The following SCHIP1 variants were observed in gnomAD, a reference collection of about 807,000 sequenced individuals.
The protein encoded by SCHIP1 is schwannomin-interacting protein 1.
Under a neutral mutation model 29.7 loss-of-function variants are expected in SCHIP1, and 8 were observed. The observed-to-expected ratio is 0.27, with a 90% confidence interval of 0.16 to 0.49. The LOEUF (loss-of-function observed/expected upper bound fraction) is 0.49, where lower values mean the gene tolerates loss of function less well. Ranked by LOEUF, SCHIP1 falls within the 20% of genes least tolerant of loss-of-function variation. The probability of loss-of-function intolerance (pLI) is 0.99; values close to 1 mark genes in which losing one functional copy is unlikely to be tolerated. For synonymous variants in SCHIP1, 76 were observed against 94.9 expected (o/e 0.80, Z 1.16); for missense variants, 193 against 294.6 (o/e 0.66, Z 2.52).
At chr3:159,613,399 A>G in the SCHIP1 span, among the ~76,000 whole-genome samples, 1 of 152,198 alleles carries the variant, frequency 6.6e-6, no homozygotes, top group Non-Finnish European at 1.5e-5. Context: ...CAATCAACCA[A>G]TGTAAAATTG....
At chr3:159,361,264 T>G in the SCHIP1 span, among the ~76,000 whole-genome samples, 1 of 152,184 alleles carries the variant, frequency 6.6e-6, no homozygotes, top group Non-Finnish European at 1.5e-5. Context: ...CAGTGTACAT[T>G]TTTAGGGAAA....
chr3:159,760,334 C>G, the SCHIP1 span, among the ~76,000 whole-genome samples: 1 of 152,160 alleles, frequency 6.6e-6, no homozygotes, highest in Non-Finnish European at 1.5e-5. Context: ...TTTGAAGTAG[C>G]TGCAAGGAGA....
chr3:159,811,968 G>GTTTTTTTTTT, the SCHIP1 span, among the ~76,000 whole-genome samples: 2 of 106,886 alleles, frequency 1.9e-5, no homozygotes, highest in Admixed American at 8.6e-5. Context: ...AGTTTTTTTT[G>GTTTTTTTTTT]TTTTTGTTTT....
At chr3:159,501,871 G>T in the SCHIP1 span, among the ~76,000 whole-genome samples, 42,120 of 151,962 alleles carry the variant, frequency 0.28, 6,055 homozygotes, top group East Asian at 0.4. Context: ...TTGGATACAT[G>T]AGTTCCCATT....
chr3:159,604,964 A>C, the SCHIP1 span, among the ~76,000 whole-genome samples: 5 of 152,190 alleles, frequency 3.3e-5, no homozygotes, highest in African/African-American at 1.2e-4. Context: ...GACCCAGGAA[A>C]TTTTCAATGA....
chr3:159,280,981 T>C, the SCHIP1 span, among the ~76,000 whole-genome samples: 1 of 152,084 alleles, frequency 6.6e-6, no homozygotes, highest in Admixed American at 6.5e-5. Context: ...TAATCCACGA[T>C]TGCATGTGTT....
At chr3:159,824,619 C>A in the SCHIP1 span, among the ~76,000 whole-genome samples, 1 of 152,200 alleles carries the variant, frequency 6.6e-6, no homozygotes, top group African/African-American at 2.4e-5. Context: ...AATTTATCAC[C>A]TTGACAGGCA....
the SCHIP1 span, among the ~76,000 whole-genome samples, chr3:159,711,710 A>G: frequency 2.0e-5 from 3 of 152,190 alleles, no homozygotes; most frequent in Non-Finnish European, 2.9e-5. Flanking sequence ...GTTCTATTAC[A>G]GAAAACAGAA....
the SCHIP1 span, among the ~76,000 whole-genome samples, chr3:159,374,075 C>T: frequency 0.14 from 20,962 of 152,034 alleles, 1,670 homozygotes; most frequent in African/African-American, 0.2. Flanking sequence ...CTAAATATCA[C>T]GGATCCATGA....
At chr3:159,433,344 A>G in the SCHIP1 span, among the ~76,000 whole-genome samples, 2 of 152,206 alleles carry the variant, frequency 1.3e-5, no homozygotes, top group African/African-American at 2.4e-5. Context: ...GAAGGTAGAA[A>G]TTAATGTAGT....
At chr3:159,303,848 T>C in the SCHIP1 span, among the ~76,000 whole-genome samples, 1 of 152,140 alleles carries the variant, frequency 6.6e-6, no homozygotes, top group Non-Finnish European at 1.5e-5. Flanking sequence ...ACCATATGTT[T>C]GTTTCTTTTT....
the SCHIP1 span, among the ~76,000 whole-genome samples, chr3:159,432,994 G>C: frequency 1.3e-5 from 2 of 152,130 alleles, no homozygotes; most frequent in Admixed American, 1.3e-4. Context: ...AAAGTAAAAA[G>C]AGCCAGATTT....
the SCHIP1 span, among the ~76,000 whole-genome samples, chr3:159,549,700 G>A: frequency 6.6e-6 from 1 of 152,052 alleles, no homozygotes; most frequent in Non-Finnish European, 1.5e-5. Context: ...CCAATCTATG[G>A]TATTTTGTTA....
chr3:159,426,749 C>T, the SCHIP1 span, among the ~76,000 whole-genome samples: 24 of 152,262 alleles, frequency 1.6e-4, no homozygotes, highest in African/African-American at 4.8e-4. Flanking sequence ...AATTTTAGAC[C>T]GATATCCTTG....
the SCHIP1 span, among the ~76,000 whole-genome samples, chr3:159,571,814 G>C: frequency 6.6e-6 from 1 of 152,078 alleles, no homozygotes; most frequent in African/African-American, 2.4e-5. Context: ...GCCTGTTATT[G>C]GTCTATTCAG....
the SCHIP1 span, among the ~76,000 whole-genome samples, chr3:159,317,722 A>C: frequency 1.3e-5 from 2 of 152,192 alleles, no homozygotes. Flanking sequence ...GCACTTCTTT[A>C]GCTGTAGAGT....
the SCHIP1 span, among the ~76,000 whole-genome samples, chr3:159,708,988 A>G: frequency 6.6e-6 from 1 of 152,286 alleles, no homozygotes; most frequent in East Asian, 1.9e-4. Context: ...GAAGCCAGAG[A>G]ACAGGGAGCC....
chr3:159,635,374 C>T, the SCHIP1 span, among the ~76,000 whole-genome samples: 2 of 152,122 alleles, frequency 1.3e-5, no homozygotes, highest in Non-Finnish European at 2.9e-5. Context: ...AACGATGGTG[C>T]TTGGGAGGCC....
the SCHIP1 span, among the ~76,000 whole-genome samples, chr3:159,473,723 A>C: frequency 6.6e-6 from 1 of 151,480 alleles, no homozygotes; most frequent in Non-Finnish European, 1.5e-5. Flanking sequence ...AAAAGAAAAC[A>C]ACCAAAACAT....
Sources: allele counts gnomAD v4.1 joint callset (sites outside exome capture counted in the v4.1 genomes callset), GRCh38; gene constraint gnomAD v4.1.1; transcripts MANE v1.5; gene names NCBI Gene and HGNC (gene_info 2026-07-23, HGNC 2026-07-21).